The following HMGCS1 variants were observed in gnomAD, a reference collection of about 807,000 sequenced individuals.
The protein encoded by HMGCS1 is 3-hydroxy-3-methylglutaryl-CoA synthase 1.
Under a neutral mutation model 52.3 loss-of-function variants are expected in HMGCS1, and 9 were observed. That is an observed-to-expected ratio of 0.17 (90% confidence interval 0.10 to 0.30). The LOEUF (loss-of-function observed/expected upper bound fraction) is 0.30, where lower values mean the gene tolerates loss of function less well. HMGCS1 is among the 10% of genes least tolerant of loss of function. The pLI is 1.00. For synonymous variants in HMGCS1, 176 were observed against 214.4 expected, an observed-to-expected ratio of 0.82 and a Z score of 1.57; for missense variants, 320 against 620.9, an observed-to-expected ratio of 0.52 and a Z score of 5.15.
Position 43,291,104 on chromosome 5 carries a change from CTG to C in HMGCS1, c.*25_*26del. The C allele has an allele frequency of 8.3e-7, 1 of 1,211,982 alleles. No homozygotes were observed. Among genetic ancestry groups the C allele is most frequent in the Non-Finnish European group, 1.2e-6 (1 of 814,342 alleles). 75.1% of individuals were successfully genotyped at this position (1,211,982 alleles called of 1,614,324 possible). ...ACCCCCACCCCATGCCCACCCCACC[CTG>C]AAGTCTTGCACCTCACAGAGTATCT... On this transcript the variant is annotated 3_prime_UTR_variant, in exon 11 of 11. Transcript: ENST00000325110.
intron 7 of HMGCS1, 150 bp downstream of exon 7, chr5:43,294,541 T>C: frequency 7.3e-6 from 4 of 550,812 alleles, no homozygotes; most frequent in Non-Finnish European, 1.3e-5. Context: ...CCCATACATC[T>C]TTCAAGTCAA....
At chr5:43,297,482 C>G (rs186411514) in intron 4 of HMGCS1, among the ~76,000 whole-genome samples, 3 of 152,118 alleles carry the variant, frequency 2.0e-5, no homozygotes, top group African/African-American at 7.2e-5. Context: ...ATCATTTGAA[C>G]CCTACATTAA....
At chr5:43,299,167 T>A (rs1209758901) in intron 2 of HMGCS1, among the ~76,000 whole-genome samples, 192 bp from the exon 3 acceptor site, 1 of 152,220 alleles carries the variant, frequency 6.6e-6, no homozygotes, top group Non-Finnish European at 1.5e-5. Context: ...TATTATCATT[T>A]AAAATTATAG....
At position 43,292,489 on chromosome 5, in the gene HMGCS1, T is replaced by G. The variant is rs1232752394; in HGVS notation, c.1458A>C (p.Ser486=). 3 of 1,613,742 alleles carry G rather than the reference T, an allele frequency of 1.9e-6. No homozygotes were observed. The highest frequency in any genetic ancestry group is 2.5e-6 in the Non-Finnish European group (3 of 1,179,804). Residue 486 remains serine (S), a synonymous_variant, in exon 10 of 11, where the codon TCA becomes TCC. Coordinates refer to ENST00000325110, the MANE Select transcript of HMGCS1 (RefSeq NM_001098272.3). ...TTTTATTTACCTCAGTTGCTATGTT[T>G]GAATGCACAAGTCCTACTCCTTCAT... is the stretch of plus-strand genomic sequence containing the variant. ...TLDEGVGLVH[S]NIATEHIPSP... is the part of the protein sequence containing the mutation.
intron 1 of HMGCS1, chr5:43,312,970 C>G (rs1271114280): frequency 6.5e-6 from 1 of 153,244 alleles, no homozygotes; most frequent in Non-Finnish European, 1.5e-5. Flanking sequence ...GCTCTGGAAA[C>G]GCCTTGGTAG....
At chr5:43,299,755 G>A (rs1754220147) in intron 2 of HMGCS1, among the ~76,000 whole-genome samples, 1 of 152,054 alleles carries the variant, frequency 6.6e-6, no homozygotes, top group Non-Finnish European at 1.5e-5. Context: ...CTAAAAAGTA[G>A]TGTCTAGATT....
At chr5:43,306,015 A>C (rs1754556655) in intron 2 of HMGCS1, among the ~76,000 whole-genome samples, 1 of 152,150 alleles carries the variant, frequency 6.6e-6, no homozygotes, top group African/African-American at 2.4e-5. Flanking sequence ...TTTAAATTCT[A>C]TCCTTAAAAA....
rs1200899866 is a variant in HMGCS1 at position 43,288,813 on chromosome 5, T to C, written c.*2318A>G. ...GAGCTGATCAGTATTAGAAAATATA[T>C]AATTTGGTTTATTTCCTAATTCATA... On this transcript the variant is annotated 3_prime_UTR_variant, in exon 11 of 11. Coordinates refer to ENST00000325110, the MANE Select transcript of HMGCS1 (RefSeq NM_001098272.3). The C allele has an allele frequency of 6.6e-6, 1 of 152,150 alleles. No individual in the cohort carries two copies. Among genetic ancestry groups the C allele is most frequent in the African/African-American group, 2.4e-5 (1 of 41,428 alleles). 9.4% of individuals were successfully genotyped at this position (152,150 alleles called of 1,614,324 possible). A position where few individuals can be genotyped will look rare whatever the true frequency, so the allele number is the denominator to read the frequency against.
At chr5:43,296,046 C>T (rs1754017641) in intron 5 of HMGCS1, 129 bp from the exon 6 acceptor site, 1 of 600,172 alleles carries the variant, frequency 1.7e-6, no homozygotes, top group African/African-American at 1.9e-5. Flanking sequence ...TATAATGAAA[C>T]CTCTCTATAC....
At chr5:43,291,463 C>T (rs1561107323) in intron 10 of HMGCS1, among the ~76,000 whole-genome samples, 1 of 152,076 alleles carries the variant, frequency 6.6e-6, no homozygotes, top group Non-Finnish European at 1.5e-5. Flanking sequence ...AGACCCACCA[C>T]GTAACAGTAT....
chr5:43,295,237 A>G (rs1052576356), intron 6 of HMGCS1, among the ~76,000 whole-genome samples: 2 of 152,268 alleles, frequency 1.3e-5, no homozygotes, highest in Non-Finnish European at 2.9e-5. Flanking sequence ...AAGTCATGGT[A>G]TTACAGGAGC....
intron 5 of HMGCS1, 103 bp downstream of exon 5, chr5:43,296,898 TA>T: frequency 1.3e-6 from 1 of 775,152 alleles, no homozygotes; most frequent in Non-Finnish European, 2.1e-6. Context: ...GGTAAAAGGA[TA>T]TTAAATGAAG....
chr5:43,312,839 C>T (rs1363318778), intron 1 of HMGCS1, among the ~76,000 whole-genome samples: 1 of 152,086 alleles, frequency 6.6e-6, no homozygotes, highest in Non-Finnish European at 1.5e-5. Flanking sequence ...AAAAGTAATG[C>T]TACCCACTTC....
chr5:43,295,964 A>C, intron 5 of HMGCS1, 47 bp from the exon 6 acceptor site: 1 of 1,455,820 alleles, frequency 6.9e-7, no homozygotes, highest in South Asian at 1.2e-5. Context: ...TAAGCCATGA[A>C]ATTTTAAAGT....
At chr5:43,295,243 G>C (rs1010360255) in intron 6 of HMGCS1, among the ~76,000 whole-genome samples, 1 of 152,146 alleles carries the variant, frequency 6.6e-6, no homozygotes, top group Non-Finnish European at 1.5e-5. Context: ...TGGTATTACA[G>C]GAGCCAAGTT....
chr5:43,292,832 C>T lies in HMGCS1; in HGVS notation c.1309+16G>A, dbSNP rs1753846122. 1 of 1,610,812 alleles carries T rather than the reference C, an allele frequency of 6.2e-7. No individual in the cohort carries two copies. Among genetic ancestry groups the T allele is most frequent in the Non-Finnish European group, 8.5e-7 (1 of 1,179,210 alleles). On this transcript the variant is annotated intron_variant, in intron 9 of 10. Coordinates refer to ENST00000325110, the MANE Select transcript of HMGCS1 (RefSeq NM_001098272.3). ...CCTCCAAATGGGTTAACTTAAAGAA[C>T]ATTTAATATTTTTACCCAAATGATG... is the stretch of plus-strand genomic sequence containing the variant.
At chr5:43,297,406 TCA>T (rs1349336301) in intron 4 of HMGCS1, among the ~76,000 whole-genome samples, 2 of 152,200 alleles carry the variant, frequency 1.3e-5, no homozygotes, top group African/African-American at 2.4e-5. Context: ...CTCTAACAGT[TCA>T]CAGTTACTCT....
chr5:43,293,188 A>G (rs1753863132), intron 8 of HMGCS1, among the ~76,000 whole-genome samples: 1 of 152,230 alleles, frequency 6.6e-6, no homozygotes, highest in South Asian at 2.1e-4. Flanking sequence ...CCACTAGACA[A>G]GTTAGGAAAC....
intron 2 of HMGCS1, among the ~76,000 whole-genome samples, chr5:43,305,167 A>T (rs575570010): frequency 6.6e-6 from 1 of 151,986 alleles, no homozygotes; most frequent in African/African-American, 2.4e-5. Context: ...TGTATTTTTA[A>T]TAGAGATGGG....
Sources: gnomAD v4.1 joint callset for allele counts (sites outside exome capture counted in the v4.1 genomes callset) on GRCh38, gnomAD v4.1.1 for gene constraint, MANE v1.5 for transcripts, NCBI Gene and HGNC (gene_info 2026-07-23, HGNC 2026-07-21) for gene names.